Variants in KIF26A observed in about 807,000 individuals in gnomAD.
The protein encoded by KIF26A is kinesin-like protein KIF26A.
KIF26A carries 74 observed loss-of-function variants against 126.0 expected under a neutral mutation model. That is an observed-to-expected ratio of 0.59 (90% CI 0.49 to 0.71). KIF26A has a LOEUF of 0.71. Among genes scored for constraint, KIF26A ranks in the 30% least tolerant of loss-of-function variants. The pLI, the probability that KIF26A is intolerant of heterozygous loss-of-function variation, is 0.00. For synonymous variants in KIF26A, 1,445 were observed against 1,232.7 expected, an observed-to-expected ratio of 1.17 and a Z score of -3.61; for missense variants, 2,984 against 2,763.3, an observed-to-expected ratio of 1.08 and a Z score of -1.79.
rs750794857 is a variant in KIF26A, at chr14:104,175,422, C to G, written c.2634C>G (p.Pro878=). 2.5e-6 allele frequency: 4 copies of G among 1,593,402 alleles called. No homozygotes were observed. The highest frequency in any genetic ancestry group is 3.4e-6 in the Non-Finnish European group (4 of 1,176,386). ...QASPARGGRK[P]SPPEAASPRK... ...GCCCCGCCCGAGGGGGCCGGAAGCC[C>G]TCGCCACCAGAGGCTGCATCCCCCA... The change falls in exon 12 of 15, where the codon CCC becomes CCG. Residue 878 remains proline, a synonymous_variant. Transcript: ENST00000423312.
intron 13 of KIF26A, 59 bp downstream of exon 13, chr14:104,178,814 C>T: frequency 1.0e-6 from 1 of 994,506 alleles, no homozygotes; most frequent in Non-Finnish European, 1.5e-6. Context: ...CCGCGGATGG[C>T]AGAGTGAGCC....
At chr14:104,177,976 A>G in intron 12 of KIF26A, 78 bp downstream of exon 12, 2 of 1,371,876 alleles carry the variant, frequency 1.5e-6, no homozygotes, top group South Asian at 1.7e-5. Flanking sequence ...TACAGTTTAC[A>G]GGGCCAGGAG....
intron 3 of KIF26A, among the ~76,000 whole-genome samples, chr14:104,154,063 G>A (rs2037755110): frequency 6.6e-6 from 1 of 152,246 alleles, no homozygotes; most frequent in Admixed American, 6.5e-5. Context: ...GGATTCAGAT[G>A]AGGTAATTTC....
intron 14 of KIF26A, 21 bp from the exon 15 acceptor site, chr14:104,179,588 C>T (rs760130505): frequency 6.7e-5 from 100 of 1,492,258 alleles, no homozygotes; most frequent in Non-Finnish European, 8.8e-5. Context: ...AGGTGCCCCT[C>T]CCCTCTCCTC....
intron 4 of KIF26A, among the ~76,000 whole-genome samples, chr14:104,163,055 A>T (rs28569857): frequency 6.6e-6 from 1 of 152,064 alleles, no homozygotes; most frequent in Non-Finnish European, 1.5e-5. Context: ...CTTCCCTTGC[A>T]GGCAGCTGGC....
Position 104,166,076 on chromosome 14 carries a change from G to T in KIF26A, c.924-783G>T, listed in dbSNP as rs542327874. On this transcript the variant is annotated intron_variant, in intron 4 of 14. Coordinates refer to ENST00000423312, the MANE Select transcript of KIF26A (RefSeq NM_015656.2). ...CCACCCCTGGCGGTGCTGGGGCAAG[G>T]CTGAGCCTCAGGGTGGGCTTTGGGG... Among the ~76,000 whole-genome samples the T allele has an allele frequency of 2.0e-5, 3 of 152,246 alleles. No individual in the cohort carries two copies. In the South Asian group the frequency reaches 6.2e-4, roughly 32 times the overall value.
At position 104,152,603 on chromosome 14, in the gene KIF26A, C is replaced by G; in HGVS notation, c.735+142C>G. 1 of 747,774 alleles carries G rather than the reference C, an allele frequency of 1.3e-6. No homozygotes were observed. The highest frequency in any genetic ancestry group is 2.1e-6 in the Non-Finnish European group (1 of 475,934). 46.3% of individuals were successfully genotyped at this position (747,774 alleles called of 1,614,324 possible). ...ACGGCGGGCATGGGGGTTCCTGACA[C>G]TCCTGAGGCCCCACATCAGATGCAC... On this transcript the variant is annotated intron_variant, in intron 3 of 14. Transcript: ENST00000423312. This position sits in a 1 kb window ranked among gnomAD's most constrained non-coding sequence, Gnocchi z 5.9.
chr14:104,169,871 G>C (rs557840837), intron 5 of KIF26A, among the ~76,000 whole-genome samples: 1 of 152,210 alleles, frequency 6.6e-6, no homozygotes, highest in Non-Finnish European at 1.5e-5. Flanking sequence ...GAGGCTTGCT[G>C]TGCCTTTTCC....
In KIF26A at chr14:104,177,015, C is replaced by T; in HGVS notation, c.4227C>T (p.Asp1409=). The change falls in exon 12 of 15, where the codon GAC becomes GAT. Residue 1409 remains aspartate, a synonymous_variant. Transcript: ENST00000423312. ...EEEPRPSSRA[D]HSVPRATSSL... is the part of the protein sequence containing the mutation. ...AGCCCAGACCCAGCAGCCGGGCTGA[C>T]CACTCTGTCCCCAGGGCCACGTCCA... 2.6e-6 allele frequency: 4 copies of T among 1,559,804 alleles called. No homozygotes were observed. The highest frequency in any genetic ancestry group is 1.3e-5 in the African/African-American group (1 of 74,208).
chr14:104,166,998 C>T lies in KIF26A; in HGVS notation c.1063C>T (p.Leu355=). 2.5e-6 allele frequency: 4 copies of T among 1,582,638 alleles called. No individual in the cohort carries two copies. Among genetic ancestry groups the T allele is most frequent in the Non-Finnish European group, 3.4e-6 (4 of 1,165,530 alleles). ...QLWPPPAPPC[L]LRAASKTKDN... is the part of the protein sequence containing the mutation. ...GTGGCCGCCCCCGGCGCCCCCCTGC[C>T]TGCTCAGGGCCGCCTCCAAGACCAA... Residue 355 remains leucine (L), a synonymous_variant, in exon 5 of 15, where the codon CTG becomes TTG. Coordinates refer to ENST00000423312, the MANE Select transcript of KIF26A (RefSeq NM_015656.2).
rs1159014629 is a variant in KIF26A at position 104,179,182 on chromosome 14, G to C, written c.5317-54G>C. On this transcript the variant is annotated intron_variant, in intron 13 of 14. Coordinates refer to ENST00000423312, the MANE Select transcript of KIF26A (RefSeq NM_015656.2). Reference sequence around the variant, plus strand: ...CGGGGGCCACATCAGGGCTGCTTGGGGGTCTCTGGGGAGAGGGTCCCATGC... The same window carrying C: ...CGGGGGCCACATCAGGGCTGCTTGGCGGTCTCTGGGGAGAGGGTCCCATGC... 2.1e-6 allele frequency: 3 copies of C among 1,413,750 alleles called. No homozygotes were observed. In the African/African-American group the frequency reaches 4.4e-5, roughly 21 times the overall value. The allele number at this position is 1,413,750 out of a possible 1,614,324, so 87.6% of individuals were successfully genotyped here. A position where few individuals can be genotyped will look rare whatever the true frequency, so the allele number is the denominator to read the frequency against.
rs1258783629 is a variant in KIF26A, at chr14:104,176,531, G to A, written c.3743G>A (p.Gly1248Glu). The change falls in exon 12 of 15, where the codon GGG (glycine) becomes GAG (glutamate). Residue 1248 changes from glycine (G) to glutamate (E), a missense_variant. Gly to Glu is a moderately conservative substitution (Grantham distance 98). Coordinates refer to ENST00000423312, the MANE Select transcript of KIF26A (RefSeq NM_015656.2). The part of the protein sequence containing the change: ...LFEDPWLLRV[G>E]ECDTQAASAG... ...GAGGACCCATGGCTGCTCCGGGTAG[G>A]GGAGTGTGATACCCAGGCAGCTTCT... The A allele has an allele frequency of 1.2e-6, 2 of 1,605,072 alleles. No homozygotes were observed. The highest frequency in any genetic ancestry group is 2.2e-5 in the South Asian group (2 of 91,082).
chr14:104,165,265 CTG>C (rs1342772103), intron 4 of KIF26A, among the ~76,000 whole-genome samples: 5 of 149,354 alleles, frequency 3.3e-5, no homozygotes, highest in African/African-American at 5.0e-5. Context: ...ATGTGTGTGT[CTG>C]TATCTCTATG....
In KIF26A at chr14:104,148,776, C is replaced by G. The variant is rs1045031826; in HGVS notation, c.289-3239C>G. ...AGCAGTCAGTGGTGTGGGAGACCCT[C>G]GCCTTCACCTTCTGGGGCCCAAGAT... On this transcript the variant is annotated intron_variant, in intron 2 of 14. Transcript: ENST00000423312. The surrounding 1 kb of genome is among the most constrained non-coding windows in gnomAD (Gnocchi z 4.3). Among the ~76,000 whole-genome samples the G allele has an allele frequency of 1.3e-5, 2 of 152,100 alleles. No individual in the cohort carries two copies. Among genetic ancestry groups the G allele is most frequent in the African/African-American group, 4.8e-5 (2 of 41,406 alleles).
chr14:104,176,790 G>T lies in KIF26A; in HGVS notation c.4002G>T (p.Gly1334=). 6.4e-7 allele frequency: 1 copy of T among 1,570,094 alleles called. No individual in the cohort carries two copies. The change falls in exon 12 of 15, where the codon GGG becomes GGT. Residue 1334 remains glycine (G), a synonymous_variant. Transcript: ENST00000423312. ...CCACGGAGGTGGTGGCCTGCTCGGG[G>T]AGCCTGAAGGCCTCCCCCACCAGCA... ...DAPTEVVACS[G]SLKASPTSKK...
At chr14:104,178,416 A>T (rs1468718782) in intron 12 of KIF26A, 134 bp from the exon 13 acceptor site, 2 of 659,836 alleles carry the variant, frequency 3.0e-6, no homozygotes, top group Non-Finnish European at 4.7e-6. Flanking sequence ...GCAGAGCGCC[A>T]GCCTGAGGAT....
chr14:104,171,089 C>T (rs1233009169), intron 5 of KIF26A, among the ~76,000 whole-genome samples: 1 of 152,252 alleles, frequency 6.6e-6, no homozygotes, highest in Non-Finnish European at 1.5e-5. Flanking sequence ...TGTATCTTCC[C>T]CTGGATGGGA....
In KIF26A at chr14:104,175,045, C is replaced by T. The variant is rs779891534; in HGVS notation, c.2257C>T (p.His753Tyr). The T allele has an allele frequency of 6.4e-7, 1 of 1,573,658 alleles. No homozygotes were observed. ...GGAAGGCCGGGCCCGTCGGCCCCCG[C>T]ACCTGCGGCCCTTCCACCCACGCAC... ...CEEGRARRPPHLRPFHPRTVA... is the reference protein window; with the variant it reads ...CEEGRARRPPYLRPFHPRTVA... The change falls in exon 12 of 15, where the codon CAC becomes TAC. Residue 753 changes from histidine to tyrosine, a missense_variant. Transcript: ENST00000423312.
At chr14:104,177,923 C>A in intron 12 of KIF26A, 25 bp downstream of exon 12, 1 of 1,479,358 alleles carries the variant, frequency 6.8e-7, no homozygotes, top group South Asian at 1.4e-5. Flanking sequence ...GCACAGCCCT[C>A]TACAGTTTAC....
Sources: allele counts gnomAD v4.1 joint callset (sites outside exome capture counted in the v4.1 genomes callset), GRCh38; gene constraint gnomAD v4.1.1; non-coding constraint Gnocchi (gnomAD v3.1); transcripts MANE v1.5; gene names NCBI Gene and HGNC (gene_info 2026-07-23, HGNC 2026-07-21).